ZNF595: variants seen among roughly 807,000 people sequenced by gnomAD.
ZNF595 encodes zinc finger protein 595.
Under a neutral mutation model 19.4 loss-of-function variants are expected in ZNF595, and 9 were observed. The observed-to-expected ratio is 0.46, with a 90% CI of 0.28 to 0.81. ZNF595 has a LOEUF of 0.81. ZNF595 is among the 30% of genes least tolerant of loss of function. The pLI, the probability that ZNF595 is intolerant of heterozygous loss-of-function variation, is 0.11. For missense variants in ZNF595, 729 were observed against 736.0 expected (o/e 0.99, Z 0.11); for synonymous variants, 255 against 255.9 (o/e 1.00, Z 0.03).
chr4:79,219 ATT>A (rs1713802544), intron 3 of ZNF595, among the ~76,000 whole-genome samples: 1 of 151,878 alleles, frequency 6.6e-6, no homozygotes, highest in African/African-American at 2.4e-5. Flanking sequence ...TTTGACTCTC[ATT>A]TTATTTAAGG....
In ZNF595 at chr4:87,674, A is replaced by G. The variant is rs868974373; in HGVS notation, c.*223A>G. 2.8e-6 allele frequency: 1 copy of G among 355,648 alleles called. No homozygotes were observed. Among genetic ancestry groups the G allele is most frequent in the Non-Finnish European group, 4.9e-6 (1 of 202,322 alleles). The allele number at this position is 355,648 out of a possible 1,614,324, so 22.0% of individuals were successfully genotyped here. A position where few individuals can be genotyped will look rare whatever the true frequency, so the allele number is the denominator to read the frequency against. On this transcript the variant is annotated 3_prime_UTR_variant, in exon 4 of 4. Transcript: ENST00000610261. ...AGTAAATGAGTTATTCTTCACAAGC[A>G]TTTGTTCTTTGTATTACACACAGTC... is the stretch of plus-strand genomic sequence containing the variant.
chr4:74,008 G>A (rs1713541530), intron 3 of ZNF595, among the ~76,000 whole-genome samples: 1 of 152,092 alleles, frequency 6.6e-6, no homozygotes, highest in South Asian at 2.1e-4. Flanking sequence ...TATATTTGGT[G>A]TTAGAATAAA....
At chr4:78,875 T>C (rs543808596) in intron 3 of ZNF595, among the ~76,000 whole-genome samples, 39 of 152,270 alleles carry the variant, frequency 2.6e-4, no homozygotes, top group Admixed American at 2.1e-3. Context: ...GTATTTTCAG[T>C]AGAGACATGG....
chr4:82,023 T>C (rs1553800009), intron 3 of ZNF595, among the ~76,000 whole-genome samples: 2 of 152,192 alleles, frequency 1.3e-5, no homozygotes, highest in African/African-American at 2.4e-5. Context: ...AGAGTGTGTA[T>C]TTTTCCTGGA....
chr4:81,774 T>A (rs1279111405), intron 3 of ZNF595, among the ~76,000 whole-genome samples: 1 of 152,228 alleles, frequency 6.6e-6, no homozygotes, highest in Non-Finnish European at 1.5e-5. Context: ...TCATGTGAGT[T>A]GATTCATACA....
intron 3 of ZNF595, among the ~76,000 whole-genome samples, chr4:79,113 CT>C (rs1247333291): frequency 2.6e-5 from 4 of 152,090 alleles, no homozygotes; most frequent in African/African-American, 9.7e-5. Flanking sequence ...ATAAGTTGCC[CT>C]TTTTTTCTCT....
chr4:73,350 G>T (rs1713509018), intron 3 of ZNF595, among the ~76,000 whole-genome samples: 1 of 152,176 alleles, frequency 6.6e-6, no homozygotes, highest in Admixed American at 6.5e-5. Context: ...GGGACATGAA[G>T]AGGGGTTGTA....
chr4:73,661 C>T (rs1044648867), intron 3 of ZNF595, among the ~76,000 whole-genome samples: 5 of 152,170 alleles, frequency 3.3e-5, no homozygotes, highest in Non-Finnish European at 5.9e-5. Flanking sequence ...CCCGCACTTT[C>T]TTTTGTCCTA....
chr4:75,466 C>T (rs372891167), intron 3 of ZNF595, among the ~76,000 whole-genome samples: 67 of 152,148 alleles, frequency 4.4e-4, no homozygotes, highest in African/African-American at 1.5e-3. Flanking sequence ...CTAATCCTTT[C>T]GTGAGAGTAG....
chr4:83,056 C>T (rs938409416), intron 3 of ZNF595, among the ~76,000 whole-genome samples: 1 of 152,076 alleles, frequency 6.6e-6, no homozygotes, highest in Admixed American at 6.5e-5. Context: ...GTAAGACACA[C>T]ATACACACAC....
At chr4:73,340 G>A (rs1327169970) in intron 3 of ZNF595, among the ~76,000 whole-genome samples, 1 of 152,146 alleles carries the variant, frequency 6.6e-6, no homozygotes, top group Non-Finnish European at 1.5e-5. Flanking sequence ...GTTCTTGGGA[G>A]GGACATGAAG....
At chr4:81,772 G>A (rs1339023311) in intron 3 of ZNF595, among the ~76,000 whole-genome samples, 1 of 152,190 alleles carries the variant, frequency 6.6e-6, no homozygotes, top group Non-Finnish European at 1.5e-5. Flanking sequence ...TCTCATGTGA[G>A]TTGATTCATA....
At chr4:85,586 C>A in intron 3 of ZNF595, 145 bp from the exon 4 acceptor site, 1 of 1,004,030 alleles carries the variant, frequency 1.0e-6, no homozygotes, top group Non-Finnish European at 1.4e-6. Flanking sequence ...ATCTTTGTTA[C>A]ATGTCTGTGA....
At chr4:82,410 T>G (rs1713955411) in intron 3 of ZNF595, among the ~76,000 whole-genome samples, 1 of 137,976 alleles carries the variant, frequency 7.2e-6, no homozygotes, top group Non-Finnish European at 1.6e-5. Flanking sequence ...TGAGATGGAG[T>G]TTCACTCTTG....
intron 3 of ZNF595, among the ~76,000 whole-genome samples, chr4:76,923 G>C (rs1374704949): frequency 6.6e-6 from 1 of 151,904 alleles, no homozygotes; most frequent in African/African-American, 2.4e-5. Flanking sequence ...ATGTGTTCTG[G>C]GCAATTGTTA....
chr4:76,605 A>G (rs531951229), intron 3 of ZNF595, among the ~76,000 whole-genome samples: 1 of 152,146 alleles, frequency 6.6e-6, no homozygotes, highest in Non-Finnish European at 1.5e-5. Flanking sequence ...AAAAATTCTT[A>G]TTAGCATTTC....
chr4:69,115 G>C (rs191602654), intron 3 of ZNF595, among the ~76,000 whole-genome samples: 2 of 152,080 alleles, frequency 1.3e-5, no homozygotes, highest in African/African-American at 4.8e-5. Flanking sequence ...AAAGTACTCC[G>C]TTGTGTATTT....
At chr4:83,619 C>CAAAAAAAAAAAAAAAAAAA (rs71164492) in intron 3 of ZNF595, among the ~76,000 whole-genome samples, 2 of 38,594 alleles carry the variant, frequency 5.2e-5, no homozygotes, top group African/African-American at 1.1e-4. Context: ...GACTCCGTCT[C>CAAAAAAAAAAAAAAAAAAA]AAAAAAAAAA....
Position 70,512 on chromosome 4 carries a change from A to AT in ZNF595, c.226+10364dup, listed in dbSNP as rs1383334487. On this transcript the variant is annotated intron_variant, in intron 3 of 3. Coordinates refer to ENST00000610261, the MANE Select transcript of ZNF595 (RefSeq NM_182524.4). The stretch of plus-strand genomic sequence containing the variant: ...ACCCCCATGCCTGACTAATTTTTGT[A>AT]TTTTTAGTAGAGACAGAGTTTCACC... 3.7e-4 allele frequency among the ~76,000 whole-genome samples: 56 copies of AT among 151,932 alleles called. 1 individual carries two copies. The highest frequency in any genetic ancestry group is 1.4e-3 in the African/African-American group (56 of 41,424).
Sources: allele counts gnomAD v4.1 joint callset (sites outside exome capture counted in the v4.1 genomes callset), GRCh38; gene constraint gnomAD v4.1.1; transcripts MANE v1.5; gene names NCBI Gene and HGNC (gene_info 2026-07-23, HGNC 2026-07-21).